The following NRG3 variants were observed in gnomAD, a reference collection of about 807,000 sequenced individuals.
NRG3 encodes neuregulin 3.
In NRG3, 31 loss-of-function variants were observed where a neutral mutation model predicts 66.9. The observed-to-expected ratio is 0.46, with a 90% CI of 0.35 to 0.63. NRG3 has a LOEUF of 0.63. Ranked by LOEUF, NRG3 falls within the 20% of genes least tolerant of loss-of-function variation. The probability of loss-of-function intolerance (pLI) is 0.00; values close to 1 mark genes in which losing one functional copy is unlikely to be tolerated. For missense variants in NRG3, 910 were observed against 878.9 expected (o/e 1.04, Z -0.45); for synonymous variants, 393 against 359.4 (o/e 1.09, Z -1.06).
chr10:81,967,248 C>T (rs1564697755), intron 1 of NRG3, among the ~76,000 whole-genome samples: 1 of 151,494 alleles, frequency 6.6e-6, no homozygotes, highest in Non-Finnish European at 1.5e-5. Flanking sequence ...TTTGTGATTT[C>T]CCTGATAATA....
chr10:82,909,506 A>G (rs566021939), intron 4 of NRG3, among the ~76,000 whole-genome samples: 20 of 151,536 alleles, frequency 1.3e-4, no homozygotes, highest in East Asian at 7.8e-4. Flanking sequence ...CCCCAAGGGG[A>G]AAAAAAAAGA....
At chr10:82,812,424 A>T (rs778729271) in intron 3 of NRG3, among the ~76,000 whole-genome samples, 1 of 152,234 alleles carries the variant, frequency 6.6e-6, no homozygotes, top group Non-Finnish European at 1.5e-5. Flanking sequence ...TCTACTTTGA[A>T]ATTTACATTT....
chr10:82,706,735 T>C (rs1158820755), intron 2 of NRG3, among the ~76,000 whole-genome samples: 1 of 152,178 alleles, frequency 6.6e-6, no homozygotes, highest in Admixed American at 6.5e-5. Context: ...GGCTCACGCC[T>C]TTAATCCCAG....
At chr10:82,706,362 T>C (rs1292355051) in intron 2 of NRG3, among the ~76,000 whole-genome samples, 1 of 152,206 alleles carries the variant, frequency 6.6e-6, no homozygotes, top group Non-Finnish European at 1.5e-5. Flanking sequence ...TATACGTTAT[T>C]TCCATGCCCT....
At chr10:82,730,770 A>C (rs575366985) in intron 2 of NRG3, among the ~76,000 whole-genome samples, 1 of 152,322 alleles carries the variant, frequency 6.6e-6, no homozygotes, top group Admixed American at 6.5e-5. Context: ...AATTCTCCAT[A>C]GTCAAACTTA....
At chr10:82,966,662 A>G (rs1192843645) in intron 6 of NRG3, among the ~76,000 whole-genome samples, 2 of 152,088 alleles carry the variant, frequency 1.3e-5, no homozygotes, top group South Asian at 2.1e-4. Flanking sequence ...TTCTTTCCTT[A>G]TGGTTAAGTA....
chr10:82,807,753 C>T (rs2061346740), intron 3 of NRG3, among the ~76,000 whole-genome samples: 1 of 152,114 alleles, frequency 6.6e-6, no homozygotes, highest in Non-Finnish European at 1.5e-5. Flanking sequence ...ATCATGCCTC[C>T]AAAGCAAGCT....
rs1589310957 is a variant in NRG3 at position 81,875,455 on chromosome 10, G to A, written c.115G>A (p.Asp39Asn). The A allele has an allele frequency of 2.9e-5, 36 of 1,232,056 alleles. No individual in the cohort carries two copies. The East Asian group carries it at 1.1e-3, about 36-fold the overall frequency. The allele number at this position is 1,232,056 out of a possible 1,614,324, so 76.3% of individuals were successfully genotyped here. ...AAAAAAGGGPDGGGEGAAEPP... is the reference protein window; with the variant it reads ...AAAAAAGGGPNGGGEGAAEPP... ...GGCGGCAGCGGCGGGCGGGGGCCCG[G>A]ACGGCGGCGGCGAAGGGGCGGCCGA... The change falls in exon 1 of 9, where the codon GAC (aspartate) becomes AAC (asparagine). Residue 39 changes from aspartate to asparagine, a missense_variant. Asp to Asn is a conservative substitution (Grantham distance 23). Transcript: ENST00000372141. This position sits in a 1 kb window ranked among gnomAD's most constrained non-coding sequence, Gnocchi z 5.3.
At chr10:82,877,765 A>C (rs181445914) in intron 4 of NRG3, among the ~76,000 whole-genome samples, 118 of 152,268 alleles carry the variant, frequency 7.7e-4, no homozygotes, top group African/African-American at 2.7e-3. Context: ...TTTGTTTTAC[A>C]AAAGGTCAGA....
At chr10:81,966,279 AAT>A (rs1189505294) in intron 1 of NRG3, among the ~76,000 whole-genome samples, 13 of 150,494 alleles carry the variant, frequency 8.6e-5, no homozygotes, top group Non-Finnish European at 1.8e-4. Context: ...ATTTTTAATA[AAT>A]TTATTTTTAT....
intron 2 of NRG3, among the ~76,000 whole-genome samples, chr10:82,482,065 A>G (rs1185412516): frequency 6.6e-6 from 1 of 152,184 alleles, no homozygotes; most frequent in Non-Finnish European, 1.5e-5. Flanking sequence ...GCCTGTATCT[A>G]GTGATTTTTC....
At chr10:82,799,584 G>T (rs75448188) in intron 3 of NRG3, among the ~76,000 whole-genome samples, 1 of 151,462 alleles carries the variant, frequency 6.6e-6, no homozygotes, top group East Asian at 1.9e-4. Flanking sequence ...CTAGAAACTG[G>T]AGTATTATGT....
intron 3 of NRG3, among the ~76,000 whole-genome samples, chr10:82,850,353 C>T (rs1366963789): frequency 2.0e-5 from 3 of 152,164 alleles, no homozygotes; most frequent in African/African-American, 4.8e-5. Flanking sequence ...TGGTCCCCAG[C>T]GTGCTGCTCT....
intron 1 of NRG3, among the ~76,000 whole-genome samples, chr10:82,179,988 AT>A (rs1161457717): frequency 4.6e-5 from 7 of 151,630 alleles, no homozygotes; most frequent in African/African-American, 1.7e-4. Flanking sequence ...GTGTTTTATT[AT>A]TTTTAATGCT....
chr10:82,607,263 C>G (rs2048024846), intron 2 of NRG3, among the ~76,000 whole-genome samples: 1 of 152,076 alleles, frequency 6.6e-6, no homozygotes, highest in Admixed American at 6.6e-5. Flanking sequence ...TATTTTGACA[C>G]TGTTGTTGGG....
At chr10:82,173,537 G>A (rs1042412367) in intron 1 of NRG3, among the ~76,000 whole-genome samples, 1 of 151,966 alleles carries the variant, frequency 6.6e-6, no homozygotes, top group African/African-American at 2.4e-5. Context: ...ACAGGTACAA[G>A]GACATTGACC....
intron 2 of NRG3, among the ~76,000 whole-genome samples, chr10:82,718,764 C>T (rs949374896): frequency 1.3e-5 from 2 of 152,104 alleles, no homozygotes; most frequent in African/African-American, 4.8e-5. Flanking sequence ...AGATTAATTC[C>T]AAGAGCCCCA....
intron 6 of NRG3, among the ~76,000 whole-genome samples, chr10:82,961,653 G>A (rs1039567521): frequency 2.6e-5 from 4 of 152,146 alleles, no homozygotes; most frequent in African/African-American, 9.7e-5. Context: ...AGTGGGTAGC[G>A]GTCATTGGCG....
intron 2 of NRG3, among the ~76,000 whole-genome samples, chr10:82,672,150 T>G (rs1191810986): frequency 1.3e-5 from 2 of 152,154 alleles, no homozygotes; most frequent in African/African-American, 4.8e-5. Context: ...CAGTGAAGAC[T>G]AAGCTGAGCC....
Sources: gnomAD v4.1 joint callset for allele counts (sites outside exome capture counted in the v4.1 genomes callset) on GRCh38, gnomAD v4.1.1 for gene constraint, Gnocchi (gnomAD v3.1) non-coding constraint, MANE v1.5 for transcripts, NCBI Gene and HGNC (gene_info 2026-07-23, HGNC 2026-07-21) for gene names.